The following WDR49 variants were observed in gnomAD, a reference collection of about 807,000 sequenced individuals.
The protein encoded by WDR49 is WD repeat domain 49, also known as cilia- and flagella-associated protein 337.
In WDR49, 107 loss-of-function variants were observed where a neutral mutation model predicts 119.5. That is an observed-to-expected ratio of 0.90 (90% CI 0.77 to 1.05). WDR49 has a LOEUF of 1.05. Among genes scored for constraint, WDR49 ranks in the 50% least tolerant of loss-of-function variants. WDR49 has a pLI of 0.00. For missense variants in WDR49, 1,240 were observed against 1,220.5 expected, an observed-to-expected ratio of 1.02 and a Z score of -0.24; for synonymous variants, 425 against 418.8, an observed-to-expected ratio of 1.01 and a Z score of -0.18.
At position 167,533,023 on chromosome 3, in the gene WDR49, T is replaced by C. The variant is rs764755227; in HGVS notation, c.1955-46A>G. On this transcript the variant is annotated intron_variant, in intron 11 of 18. Transcript: ENST00000682715. ...AATATAAATTGCCAGGAGATTAAGA[T>C]AGAAAATATGAGCAACAGCAATCAG... The C allele has an allele frequency of 1.9e-5, 27 of 1,409,260 alleles. 1 individual carries two copies. The highest frequency in any genetic ancestry group is 2.5e-5 in the Non-Finnish European group (26 of 1,027,062). 87.3% of individuals were successfully genotyped at this position (1,409,260 alleles called of 1,614,324 possible).
At chr3:167,627,720 G>A (rs1241085619) in intron 2 of WDR49, among the ~76,000 whole-genome samples, 1 of 152,040 alleles carries the variant, frequency 6.6e-6, no homozygotes, top group East Asian at 1.9e-4. Flanking sequence ...TGGGGCTTCT[G>A]AACTCCAGAA....
At chr3:167,613,209 T>C (rs1209553224) in intron 5 of WDR49, among the ~76,000 whole-genome samples, 1 of 152,148 alleles carries the variant, frequency 6.6e-6, no homozygotes, top group African/African-American at 2.4e-5. Flanking sequence ...AAAATTTAAA[T>C]TAAAAAATAA....
intron 16 of WDR49, 82 bp downstream of exon 16, chr3:167,522,233 G>A: frequency 7.3e-7 from 1 of 1,364,536 alleles, no homozygotes; most frequent in African/African-American, 1.5e-5. Flanking sequence ...TTCCACAGAG[G>A]ACACAAGGAA....
chr3:167,543,143 A>AT (rs1324934801), intron 10 of WDR49, among the ~76,000 whole-genome samples: 2 of 151,944 alleles, frequency 1.3e-5, no homozygotes, highest in Admixed American at 1.3e-4. Context: ...AGATTAAGTA[A>AT]TAAAAAAAAA....
At chr3:167,628,787 C>T (rs1288228016) in intron 2 of WDR49, among the ~76,000 whole-genome samples, 2 of 152,112 alleles carry the variant, frequency 1.3e-5, no homozygotes, top group African/African-American at 2.4e-5. Context: ...AATGAAACAG[C>T]CCTATTTGGA....
chr3:167,497,147 G>C (rs1751384582), intron 18 of WDR49, among the ~76,000 whole-genome samples: 1 of 151,934 alleles, frequency 6.6e-6, no homozygotes, highest in Non-Finnish European at 1.5e-5. Flanking sequence ...TTTTTTCCTG[G>C]CATTTTCATG....
At chr3:167,566,933 C>T (rs975306115) in intron 8 of WDR49, 1 of 638,342 alleles carries the variant, frequency 1.6e-6, no homozygotes, top group Middle Eastern at 2.5e-4. Context: ...CTTACTGTCT[C>T]GGGGTGACAG....
intron 8 of WDR49, among the ~76,000 whole-genome samples, chr3:167,572,601 C>T (rs1714000928): frequency 6.6e-6 from 1 of 152,106 alleles, no homozygotes; most frequent in Non-Finnish European, 1.5e-5. Context: ...GTCTAGTAGT[C>T]GAGCATTCAT....
intron 16 of WDR49, among the ~76,000 whole-genome samples, chr3:167,520,079 ATG>A (rs146681932): frequency 4.0e-5 from 6 of 149,168 alleles, no homozygotes; most frequent in African/African-American, 1.5e-4. Context: ...AAAGAAAAAA[ATG>A]TGTGTGTGTG....
intron 9 of WDR49, among the ~76,000 whole-genome samples, chr3:167,558,452 T>C (rs1713073670): frequency 6.6e-6 from 1 of 152,192 alleles, no homozygotes; most frequent in Admixed American, 6.5e-5. Flanking sequence ...AACCCTGATT[T>C]ATGTATCCTA....
At position 167,560,165 on chromosome 3, in the gene WDR49, T is replaced by C; in HGVS notation, c.1573A>G (p.Lys525Glu). Residue 525 changes from lysine to glutamate, a missense_variant, in exon 9 of 19, where the codon AAA becomes GAA. Coordinates refer to ENST00000682715, the MANE Select transcript of WDR49 (RefSeq NM_001366157.1). ...TTGCCGTGGCAACCAGTAAACTGTT[T>C]GATTTTCTGCCCAGTGTCTATCATC... Reference protein sequence around the residue: ...FWMIDTGQKIKQFTGCHGNAE... With the variant: ...FWMIDTGQKIEQFTGCHGNAE... 1 of 1,614,214 alleles carries C rather than the reference T, an allele frequency of 6.2e-7. No homozygotes were observed. The highest frequency in any genetic ancestry group is 8.5e-7 in the Non-Finnish European group (1 of 1,180,032).
chr3:167,632,811 G>A (rs1717433241), intron 2 of WDR49, among the ~76,000 whole-genome samples: 1 of 151,950 alleles, frequency 6.6e-6, no homozygotes, highest in African/African-American at 2.4e-5. Context: ...ATACACTGTG[G>A]TTGGGAAATT....
In WDR49 at chr3:167,602,186, C is replaced by T. The variant is rs1432852988; in HGVS notation, c.1216G>A (p.Val406Ile). The T allele has an allele frequency of 6.2e-7, 1 of 1,607,700 alleles. No individual in the cohort carries two copies. The highest frequency in any genetic ancestry group is 8.5e-7 in the Non-Finnish European group (1 of 1,175,410). ...TCCACAAAGAATTGGACGGCTATTA[C>T]ACTGGCTGAGTGGCCCCAAAGGACA... ...VGVLWGHSASVIAVQFFVERK... is the reference protein window; with the variant it reads ...VGVLWGHSASIIAVQFFVERK... The change falls in exon 7 of 19, where the codon GTA becomes ATA. Residue 406 changes from valine (V) to isoleucine (I), a missense_variant. Physicochemically the swap from Val to Ile is conservative, Grantham distance 29 (BLOSUM62 3). Transcript: ENST00000682715.
At chr3:167,580,430 T>G (rs556150638) in intron 7 of WDR49, among the ~76,000 whole-genome samples, 75 of 152,308 alleles carry the variant, frequency 4.9e-4, no homozygotes, top group African/African-American at 1.8e-3. Flanking sequence ...AGAAATCTCC[T>G]ATGCTTTGGC....
chr3:167,633,301 T>C (rs974258707), intron 2 of WDR49: 4 of 373,892 alleles, frequency 1.1e-5, no homozygotes, highest in Non-Finnish European at 2.1e-5. Context: ...CAGCAGATGC[T>C]AGTTTTTGTC....
intron 11 of WDR49, among the ~76,000 whole-genome samples, chr3:167,535,132 C>G (rs1403674515): frequency 6.6e-6 from 1 of 152,062 alleles, no homozygotes; most frequent in Non-Finnish European, 1.5e-5. Context: ...TGCTCATTAT[C>G]AAGTTGTGGC....
intron 17 of WDR49, among the ~76,000 whole-genome samples, chr3:167,503,347 C>G (rs536179038): frequency 1.1e-4 from 17 of 152,308 alleles, no homozygotes; most frequent in African/African-American, 3.8e-4. Flanking sequence ...ACTGGGGTGT[C>G]CTTGCTCCCA....
chr3:167,589,676 T>C (rs1715007550), intron 7 of WDR49, among the ~76,000 whole-genome samples: 1 of 152,082 alleles, frequency 6.6e-6, no homozygotes, highest in Admixed American at 6.6e-5. Context: ...TATTCCTAGA[T>C]ATTTAATTTT....
At chr3:167,519,598 C>T (rs917078766) in intron 16 of WDR49, among the ~76,000 whole-genome samples, 3 of 151,600 alleles carry the variant, frequency 2.0e-5, no homozygotes, top group African/African-American at 4.9e-5. Flanking sequence ...AACACATGGA[C>T]ACAAGGAGGG....
Sources: allele counts gnomAD v4.1 joint callset (sites outside exome capture counted in the v4.1 genomes callset), GRCh38; gene constraint gnomAD v4.1.1; transcripts MANE v1.5; gene names NCBI Gene and HGNC (gene_info 2026-07-23, HGNC 2026-07-21).